Variants in RPL7L1 observed in about 807,000 individuals in gnomAD.
RPL7L1 encodes ribosomal protein uL30-like.
RPL7L1 carries 20 observed loss-of-function variants against 30.3 expected under a neutral mutation model. The observed-to-expected ratio is 0.66, with a 90% CI of 0.46 to 0.96. The LOEUF (loss-of-function observed/expected upper bound fraction) is 0.96. RPL7L1 is among the 40% of genes least tolerant of loss of function. The pLI is 0.00. For missense variants in RPL7L1, 271 were observed against 314.9 expected (o/e 0.86, Z 1.05); for synonymous variants, 107 against 110.1 (o/e 0.97, Z 0.18).
chr6:42,880,490 C>T (rs1173181553), intron 1 of RPL7L1: 1 of 227,988 alleles, frequency 4.4e-6, no homozygotes, highest in Non-Finnish European at 8.8e-6. Flanking sequence ...TTTGGAAATC[C>T]ATTGAATGTT....
chr6:42,880,733 G>C (rs1766040114), intron 1 of RPL7L1, 128 bp from the exon 2 acceptor site: 1 of 540,634 alleles, frequency 1.8e-6, no homozygotes, highest in Non-Finnish European at 3.3e-6. Flanking sequence ...GGCTGGTCTC[G>C]AACTCCTGAC....
At chr6:42,882,592 CAAAA>C (rs57689508) in intron 2 of RPL7L1, 31 of 104,740 alleles carry the variant, frequency 3.0e-4, no homozygotes, top group Non-Finnish European at 2.9e-4. Context: ...AACCCTGTCT[CAAAA>C]AAAAAAAAAA....
intron 2 of RPL7L1, 73 bp downstream of exon 2, chr6:42,881,039 A>G (rs1766056999): frequency 1.2e-6 from 1 of 829,836 alleles, no homozygotes; most frequent in African/African-American, 1.7e-5. Context: ...GTGTTGGACT[A>G]CATTTGGTAT....
chr6:42,886,036 A>G lies in RPL7L1; in HGVS notation c.512A>G (p.Asn171Ser). Residue 171 changes from asparagine to serine, a missense_variant, in exon 5 of 6, where the codon AAT becomes AGT. Coordinates refer to ENST00000493763, the MANE Select transcript of RPL7L1 (RefSeq NM_001366481.3). ...ILKRGQAKVK[N>S]KTIPLTDNTV... ...AAACGTGGACAAGCCAAGGTCAAGA[A>G]TAAGACCATCCCTCTGACAGACAAT... The G allele has an allele frequency of 2.5e-6, 4 of 1,609,590 alleles. No homozygotes were observed. The highest frequency in any genetic ancestry group is 3.4e-6 in the Non-Finnish European group (4 of 1,177,136).
At position 42,887,885 on chromosome 6, in the gene RPL7L1, GAAGA is replaced by G. The variant is rs879672819; in HGVS notation, c.*1425_*1428del. On this transcript the variant is annotated 3_prime_UTR_variant, in exon 6 of 6. Coordinates refer to ENST00000493763, the MANE Select transcript of RPL7L1 (RefSeq NM_001366481.3). ...TGAAAAAGACTTGAAATACACATAG[GAAGA>G]AAGGCATAAAAATAAATGTTCACTT... The G allele has an allele frequency of 1.3e-5, 2 of 150,316 alleles. No homozygotes were observed. Among genetic ancestry groups the G allele is most frequent in the African/African-American group, 2.5e-5 (1 of 40,730 alleles). The allele number at this position is 150,316 out of a possible 1,614,324, so 9.3% of individuals were successfully genotyped here.
chr6:42,883,210 T>A, intron 2 of RPL7L1: 1 of 329,804 alleles, frequency 3.0e-6, no homozygotes, highest in Non-Finnish European at 5.6e-6. Flanking sequence ...TAGTAAACAC[T>A]GATTAATATG....
chr6:42,881,049 T>C, intron 2 of RPL7L1, 83 bp downstream of exon 2: 2 of 769,872 alleles, frequency 2.6e-6, no homozygotes, highest in Non-Finnish European at 4.5e-6. Context: ...ACATTTGGTA[T>C]TGACGAGCTC....
intron 1 of RPL7L1, 113 bp from the exon 2 acceptor site, chr6:42,880,748 G>C: frequency 1.7e-6 from 1 of 578,460 alleles, no homozygotes. Flanking sequence ...CCTGACCTCA[G>C]GTAATCCACC....
intron 2 of RPL7L1, chr6:42,881,168 T>C: frequency 2.2e-6 from 1 of 454,516 alleles, no homozygotes; most frequent in Middle Eastern, 3.1e-4. Flanking sequence ...GTCCCTTATA[T>C]AAAATGGTTG....
chr6:42,886,557 A>G lies in RPL7L1; in HGVS notation c.*93A>G, dbSNP rs900508258. 1.1e-5 allele frequency: 8 copies of G among 697,534 alleles called. No individual in the cohort carries two copies. The highest frequency in any genetic ancestry group is 2.0e-5 in the Non-Finnish European group (8 of 398,640). The allele number at this position is 697,534 out of a possible 1,614,324, so 43.2% of individuals were successfully genotyped here. A position where few individuals can be genotyped will look rare whatever the true frequency, so the allele number is the denominator to read the frequency against. ...ACAAGTTCTTTTTGCATTTACTAGT[A>G]TTTAAGAGTAACCTTGAGATTGGGA... On this transcript the variant is annotated 3_prime_UTR_variant, in exon 6 of 6. Coordinates refer to ENST00000493763, the MANE Select transcript of RPL7L1 (RefSeq NM_001366481.3).
At position 42,879,630 on chromosome 6, in the gene RPL7L1, A is replaced by T; in HGVS notation, c.-281A>T. 3.3e-6 allele frequency: 1 copy of T among 306,638 alleles called. No individual in the cohort carries two copies. Among genetic ancestry groups the T allele is most frequent in the Non-Finnish European group, 6.4e-6 (1 of 156,568 alleles). The allele number at this position is 306,638 out of a possible 1,614,324, so 19.0% of individuals were successfully genotyped here. ...AGTGCGGCGCCGTAGCTAGGAGCGGACGCCATAGGTGCATTGTGGGAAGCA... is the reference window on the plus strand; with the variant it reads ...AGTGCGGCGCCGTAGCTAGGAGCGGTCGCCATAGGTGCATTGTGGGAAGCA... On this transcript the variant is annotated 5_prime_UTR_variant, in exon 1 of 6. Transcript: ENST00000493763.
rs1260897088 is a variant in RPL7L1, at chr6:42,879,686, T to C, written c.-225T>C. ...CTGTCCACAGCCAGGCCGCTTGTGA[T>C]GAAACTGTAACTTACAAGAAAAGGG... On this transcript the variant is annotated 5_prime_UTR_variant, in exon 1 of 6. It removes an upstream start codon present in the reference 5' UTR. Transcript: ENST00000493763. 6.0e-6 allele frequency: 3 copies of C among 500,786 alleles called. No individual in the cohort carries two copies. Among genetic ancestry groups the C allele is most frequent in the African/African-American group, 3.9e-5 (2 of 51,540 alleles). 31.0% of individuals were successfully genotyped at this position (500,786 alleles called of 1,614,324 possible).
At position 42,887,895 on chromosome 6, in the gene RPL7L1, A is replaced by G. The variant is rs1766333718; in HGVS notation, c.*1431A>G. 2 of 150,600 alleles carry G rather than the reference A, an allele frequency of 1.3e-5. No individual in the cohort carries two copies. Among genetic ancestry groups the G allele is most frequent in the Admixed American group, 1.3e-4 (2 of 15,032 alleles). 9.3% of individuals were successfully genotyped at this position (150,600 alleles called of 1,614,324 possible). A position where few individuals can be genotyped will look rare whatever the true frequency, so the allele number is the denominator to read the frequency against. On this transcript the variant is annotated 3_prime_UTR_variant, in exon 6 of 6. Transcript: ENST00000493763. Reference sequence around the variant, plus strand: ...TTGAAATACACATAGGAAGAAAGGCATAAAAATAAATGTTCACTTGTCTCT... The same window carrying G: ...TTGAAATACACATAGGAAGAAAGGCGTAAAAATAAATGTTCACTTGTCTCT...
At chr6:42,885,174 CCT>C (rs1766215104) in intron 4 of RPL7L1, among the ~76,000 whole-genome samples, 1 of 152,000 alleles carries the variant, frequency 6.6e-6, no homozygotes, top group Admixed American at 6.6e-5. Context: ...TGGTGAAACC[CCT>C]GTCTCTACTA....
chr6:42,888,549 C>T lies in RPL7L1; in HGVS notation c.*2085C>T, dbSNP rs1330941030. The T allele has an allele frequency of 6.6e-6, 1 of 152,126 alleles. No individual in the cohort carries two copies. The highest frequency in any genetic ancestry group is 1.5e-5 in the Non-Finnish European group (1 of 68,046). 9.4% of individuals were successfully genotyped at this position (152,126 alleles called of 1,614,324 possible). A position where few individuals can be genotyped will look rare whatever the true frequency, so the allele number is the denominator to read the frequency against. On this transcript the variant is annotated 3_prime_UTR_variant, in exon 6 of 6. Coordinates refer to ENST00000493763, the MANE Select transcript of RPL7L1 (RefSeq NM_001366481.3). ...CTCTGGTTCCATGTCCTATGGAAGA[C>T]CAAAGTTTACCAAGATAGATTTTTC... is the stretch of plus-strand genomic sequence containing the variant.
rs377736942 is a variant in RPL7L1, at chr6:42,886,450, C to T, written c.754C>T (p.Arg252Cys). 32 of 1,544,502 alleles carry T rather than the reference C, an allele frequency of 2.1e-5. No individual in the cohort carries two copies. The highest frequency in any genetic ancestry group is 1.6e-4 in the South Asian group (14 of 89,666). ...GGGTGAACGCATCAATCAGCTCATC[C>T]GTCAGCTGAACTAGACCCAGGTGAG... ...YRGERINQLI[R>C]QLN is the part of the protein sequence containing the mutation. The change falls in exon 6 of 6, where the codon CGT (arginine) becomes TGT (cysteine). Residue 252 changes from arginine to cysteine, a missense_variant. Physicochemically the swap from Arg to Cys is radical, Grantham distance 180. Coordinates refer to ENST00000493763, the MANE Select transcript of RPL7L1 (RefSeq NM_001366481.3).
chr6:42,883,952 C>G (rs1248633919), intron 3 of RPL7L1: 2 of 164,340 alleles, frequency 1.2e-5, no homozygotes, highest in Non-Finnish European at 2.6e-5. Context: ...GTAGGGAAAG[C>G]AAGGCATCAT....
Position 42,886,236 on chromosome 6 carries a change from T to A in RPL7L1, c.560-20T>A, listed in dbSNP as rs1766260616. 6.3e-7 allele frequency: 1 copy of A among 1,598,990 alleles called. No individual in the cohort carries two copies. The highest frequency in any genetic ancestry group is 1.1e-5 in the South Asian group (1 of 90,774). On this transcript the variant is annotated intron_variant, in intron 5 of 5. Coordinates refer to ENST00000493763, the MANE Select transcript of RPL7L1 (RefSeq NM_001366481.3). Reference sequence around the variant, plus strand: ...TGGATACATGTTAAATAAAGGAATCTGTGCTTTTGTGTTTCTTAGGGAAGT... The same window carrying A: ...TGGATACATGTTAAATAAAGGAATCAGTGCTTTTGTGTTTCTTAGGGAAGT...
At position 42,883,446 on chromosome 6, in the gene RPL7L1, T is replaced by C; in HGVS notation, c.148-5T>C. The C allele has an allele frequency of 1.3e-6, 2 of 1,574,164 alleles. No homozygotes were observed. The highest frequency in any genetic ancestry group is 1.7e-6 in the Non-Finnish European group (2 of 1,163,880). ...GATGATGATGATGGTCTGTCTTCTC[T>C]GTAGCAGAAGAAAGGAAAAGGGCTC... On this transcript the variant is annotated splice_region_variant and splice_polypyrimidine_tract_variant and intron_variant, in intron 2 of 5. Transcript: ENST00000493763.
Sources: gnomAD v4.1 joint callset for allele counts (sites outside exome capture counted in the v4.1 genomes callset) on GRCh38, gnomAD v4.1.1 for gene constraint, MANE v1.5 for transcripts, NCBI Gene and HGNC (gene_info 2026-07-23, HGNC 2026-07-21) for gene names.